The following BMPER variants were observed in gnomAD, a reference collection of about 807,000 sequenced individuals.
BMPER encodes the protein BMP binding endothelial regulator.
BMPER carries 45 observed loss-of-function variants against 87.3 expected under a neutral mutation model. The observed-to-expected ratio is 0.52, with a 90% CI of 0.41 to 0.66. The LOEUF (loss-of-function observed/expected upper bound fraction) is 0.66, where lower values mean the gene tolerates loss of function less well. BMPER is among the 30% of genes least tolerant of loss of function. The pLI, the probability that BMPER is intolerant of heterozygous loss-of-function variation, is 0.00. For synonymous variants in BMPER, 326 were observed against 316.2 expected (o/e 1.03, Z -0.33); for missense variants, 784 against 867.5 (o/e 0.90, Z 1.21).
At chr7:33,922,202 A>AT (rs995653144) in intron 2 of BMPER, among the ~76,000 whole-genome samples, 13 of 151,892 alleles carry the variant, frequency 8.6e-5, no homozygotes, top group African/African-American at 1.9e-4. Context: ...CTTTAAACTT[A>AT]TTTTTTTTGA....
chr7:34,006,001 A>C (rs1273341997), intron 6 of BMPER, among the ~76,000 whole-genome samples: 3 of 152,018 alleles, frequency 2.0e-5, no homozygotes. Flanking sequence ...TGCTTTCCAC[A>C]AAGATTCTCT....
rs1485105114 is a variant in BMPER at position 34,143,295 on chromosome 7, C to T, written c.1811C>T (p.Ala604Val). The change falls in exon 14 of 15, where the codon GCA (alanine) becomes GTA (valine). Residue 604 changes from alanine (A) to valine (V), a missense_variant. Physicochemically the swap from Ala to Val is moderately conservative, Grantham distance 64. Coordinates refer to ENST00000649409, the MANE Select transcript of BMPER (RefSeq NM_001365308.1). ...HKNCYCESFL[A>V]YTRACQREGI... The stretch of plus-strand genomic sequence containing the variant: ...AACTGTTATTGCGAGTCATTTTTGG[C>T]ATATACCCGGGCCTGCCAGAGAGAG... 1 of 1,614,038 alleles carries T rather than the reference C, an allele frequency of 6.2e-7. No homozygotes were observed.
chr7:34,136,184 C>G (rs897520998), intron 13 of BMPER, among the ~76,000 whole-genome samples: 1 of 152,186 alleles, frequency 6.6e-6, no homozygotes, highest in Non-Finnish European at 1.5e-5. Flanking sequence ...GCTGGCCCAG[C>G]AGGCTAGCCC....
intron 2 of BMPER, among the ~76,000 whole-genome samples, chr7:33,912,761 T>C (rs188980441): frequency 6.6e-6 from 1 of 152,330 alleles, no homozygotes; most frequent in African/African-American, 2.4e-5. Context: ...AGTGTGCTTG[T>C]TGAACTTAGT....
intron 13 of BMPER, among the ~76,000 whole-genome samples, chr7:34,086,848 CA>C (rs1789225401): frequency 6.6e-6 from 1 of 152,178 alleles, no homozygotes; most frequent in South Asian, 2.1e-4. Flanking sequence ...ATTTACTACA[CA>C]ATTCCATGGG....
chr7:34,036,042 G>GA (rs922750153), intron 6 of BMPER, among the ~76,000 whole-genome samples: 3 of 152,076 alleles, frequency 2.0e-5, no homozygotes, highest in Non-Finnish European at 2.9e-5. Context: ...TGGGGAACAT[G>GA]AAAAAATGCC....
chr7:33,922,663 G>A lies in BMPER; in HGVS notation c.220-14626G>A, dbSNP rs181877097. Among the ~76,000 whole-genome samples the A allele has an allele frequency of 5.3e-5, 8 of 152,260 alleles. No homozygotes were observed. The East Asian group carries it at 1.4e-3, about 26-fold the overall frequency. On this transcript the variant is annotated intron_variant, in intron 2 of 14. Coordinates refer to ENST00000649409, the MANE Select transcript of BMPER (RefSeq NM_001365308.1). ...TATTCTCTCCCTTGGACACCCCTCA[G>A]TGTGCCACATGGAACTAGGCAAAAC...
chr7:34,011,054 G>C (rs1187124885), intron 6 of BMPER, among the ~76,000 whole-genome samples: 1 of 151,792 alleles, frequency 6.6e-6, no homozygotes, highest in Non-Finnish European at 1.5e-5. Flanking sequence ...TTTATTTTGG[G>C]CATATATGGT....
chr7:33,931,810 G>A (rs910740088), intron 2 of BMPER, among the ~76,000 whole-genome samples: 4 of 152,192 alleles, frequency 2.6e-5, no homozygotes, highest in African/African-American at 7.2e-5. Flanking sequence ...GACCACTATT[G>A]TGTAAGTTCT....
chr7:33,935,984 C>T (rs553259220), intron 2 of BMPER, among the ~76,000 whole-genome samples: 37 of 152,096 alleles, frequency 2.4e-4, no homozygotes, highest in Non-Finnish European at 5.0e-4. Context: ...AGGCAAGGCC[C>T]AACCCTCCCC....
At chr7:34,069,050 T>G (rs1210129505) in intron 11 of BMPER, among the ~76,000 whole-genome samples, 5 of 152,236 alleles carry the variant, frequency 3.3e-5, no homozygotes, top group South Asian at 2.1e-4. Context: ...TTCAAAAGAA[T>G]GCATTTTATA....
chr7:34,144,147 C>G (rs1790955888), intron 14 of BMPER, among the ~76,000 whole-genome samples: 1 of 151,838 alleles, frequency 6.6e-6, no homozygotes, highest in Non-Finnish European at 1.5e-5. Context: ...TCAGCCTAGC[C>G]CTGAAGGAGT....
intron 3 of BMPER, 113 bp downstream of exon 3, chr7:33,937,501 GA>G (rs747529076): frequency 1.6e-5 from 16 of 990,246 alleles, no homozygotes; most frequent in Non-Finnish European, 2.3e-5. Context: ...CATGGGTGGG[GA>G]GGAGAAGTAG....
chr7:34,038,426 C>T (rs944971917), intron 6 of BMPER, among the ~76,000 whole-genome samples: 1 of 152,198 alleles, frequency 6.6e-6, no homozygotes, highest in African/African-American at 2.4e-5. Flanking sequence ...GGAATGCAGC[C>T]TGCTGATACC....
At chr7:33,978,272 T>C (rs1192012833) in intron 6 of BMPER, among the ~76,000 whole-genome samples, 1 of 152,198 alleles carries the variant, frequency 6.6e-6, no homozygotes, top group Non-Finnish European at 1.5e-5. Flanking sequence ...CAGCAGCCCT[T>C]GCCAGACACC....
chr7:34,039,411 T>C (rs1787771894), intron 6 of BMPER, among the ~76,000 whole-genome samples: 2 of 152,148 alleles, frequency 1.3e-5, no homozygotes. Flanking sequence ...CATTTGGCAA[T>C]GTCTGGAGAC....
chr7:33,960,086 G>A (rs1054498693), intron 3 of BMPER, among the ~76,000 whole-genome samples: 4 of 152,048 alleles, frequency 2.6e-5, no homozygotes, highest in Non-Finnish European at 4.4e-5. Flanking sequence ...AATTGGAAGC[G>A]AAGCTAAAAA....
intron 2 of BMPER, among the ~76,000 whole-genome samples, chr7:33,910,924 C>T (rs1189432758): frequency 6.6e-6 from 1 of 152,152 alleles, no homozygotes; most frequent in African/African-American, 2.4e-5. Flanking sequence ...ATTATCTAAA[C>T]AAGTGTTAGG....
intron 8 of BMPER, among the ~76,000 whole-genome samples, chr7:34,054,941 G>T (rs1460422935): frequency 6.6e-6 from 1 of 152,050 alleles, no homozygotes; most frequent in Non-Finnish European, 1.5e-5. Flanking sequence ...GGGAGGTAGG[G>T]GTTACGTGCC....
Sources: allele counts gnomAD v4.1 joint callset (sites outside exome capture counted in the v4.1 genomes callset), GRCh38; gene constraint gnomAD v4.1.1; transcripts MANE v1.5; gene names NCBI Gene and HGNC (gene_info 2026-07-23, HGNC 2026-07-21).